Variants in LRRC4C observed in about 807,000 individuals in gnomAD.
LRRC4C encodes the protein leucine-rich repeat-containing protein 4C.
In LRRC4C, 5 loss-of-function variants were observed where a neutral mutation model predicts 33.6. The observed-to-expected ratio is 0.15, with a 90% CI of 0.08 to 0.31. The LOEUF (loss-of-function observed/expected upper bound fraction) is 0.31. Among genes scored for constraint, LRRC4C ranks in the 10% least tolerant of loss-of-function variants. LRRC4C has a pLI of 1.00. For synonymous variants in LRRC4C, 329 were observed against 302.0 expected (o/e 1.09, Z -0.93); for missense variants, 560 against 796.7 (o/e 0.70, Z 3.58).
At chr11:40,309,563 T>C (rs1356853171) in intron 4 of LRRC4C, among the ~76,000 whole-genome samples, 1 of 150,692 alleles carries the variant, frequency 6.6e-6, no homozygotes. Flanking sequence ...TGGAGTGCAA[T>C]TGCACAATCT....
chr11:40,894,899 T>G (rs1955871010), intron 2 of LRRC4C, among the ~76,000 whole-genome samples: 1 of 152,150 alleles, frequency 6.6e-6, no homozygotes, highest in Non-Finnish European at 1.5e-5. Flanking sequence ...TATAGTTATT[T>G]ATTTTCTTAT....
At chr11:40,317,637 C>G (rs1324615228) in intron 4 of LRRC4C, among the ~76,000 whole-genome samples, 1 of 152,074 alleles carries the variant, frequency 6.6e-6, no homozygotes, top group Non-Finnish European at 1.5e-5. Context: ...GTCTCTTGGT[C>G]CATCCTACAT....
chr11:41,294,838 T>C (rs1218792861), intron 1 of LRRC4C, among the ~76,000 whole-genome samples: 3 of 152,160 alleles, frequency 2.0e-5, no homozygotes, highest in African/African-American at 7.2e-5. Context: ...AGTTAAAATG[T>C]TTTTAATCAT....
intron 3 of LRRC4C, among the ~76,000 whole-genome samples, chr11:40,623,376 T>C (rs1006145313): frequency 6.6e-6 from 1 of 152,082 alleles, no homozygotes. Flanking sequence ...TTCTAAAGAT[T>C]GTCTTGATGC....
intron 3 of LRRC4C, among the ~76,000 whole-genome samples, chr11:40,337,757 T>A (rs1167641569): frequency 6.6e-6 from 1 of 152,132 alleles, no homozygotes; most frequent in Non-Finnish European, 1.5e-5. Context: ...GGGTTTGTCG[T>A]ACAGATTATT....
intron 5 of LRRC4C, among the ~76,000 whole-genome samples, chr11:40,216,828 G>A (rs1590735040): frequency 2.0e-5 from 3 of 152,250 alleles, no homozygotes; most frequent in Admixed American, 2.0e-4. Flanking sequence ...TTCTTTAGCG[G>A]GTTGGGGAAT....
chr11:40,237,952 T>C (rs1334396849), intron 5 of LRRC4C, among the ~76,000 whole-genome samples: 1 of 152,120 alleles, frequency 6.6e-6, no homozygotes, highest in Admixed American at 6.6e-5. Context: ...TTACAAAAAA[T>C]TCAGAGTCAC....
chr11:40,293,713 G>A (rs568657886), intron 4 of LRRC4C: 3 of 152,328 alleles, frequency 2.0e-5, no homozygotes, highest in African/African-American at 7.2e-5. Context: ...TGCAACTGCA[G>A]CTTTGATCTC....
intron 1 of LRRC4C, among the ~76,000 whole-genome samples, chr11:41,346,678 G>C (rs1951813834): frequency 1.3e-5 from 2 of 152,112 alleles, no homozygotes; most frequent in African/African-American, 2.4e-5. Context: ...TCCCCTATTA[G>C]AATTTCACAA....
At chr11:41,303,227 G>A (rs986148644) in intron 1 of LRRC4C, among the ~76,000 whole-genome samples, 1 of 149,844 alleles carries the variant, frequency 6.7e-6, no homozygotes, top group African/African-American at 2.5e-5. Context: ...TCTACCGAAT[G>A]CCTGCGATTG....
chr11:41,142,177 T>C (rs1167748090), intron 1 of LRRC4C, among the ~76,000 whole-genome samples: 1 of 152,120 alleles, frequency 6.6e-6, no homozygotes, highest in Non-Finnish European at 1.5e-5. Context: ...AGTTAATTAA[T>C]AGGTTTTCAG....
intron 2 of LRRC4C, among the ~76,000 whole-genome samples, chr11:40,651,757 A>G (rs1192937300): frequency 6.6e-6 from 1 of 152,072 alleles, no homozygotes; most frequent in Admixed American, 6.5e-5. Context: ...TCTGTAGGCA[A>G]TTTTTTTCTG....
chr11:40,649,656 A>G (rs1021529594), intron 2 of LRRC4C, among the ~76,000 whole-genome samples: 1 of 152,212 alleles, frequency 6.6e-6, no homozygotes, highest in African/African-American at 2.4e-5. Flanking sequence ...TAAAGTAAAG[A>G]CAGGCATAAA....
intron 2 of LRRC4C, among the ~76,000 whole-genome samples, chr11:40,912,999 A>C (rs187950292): frequency 3.5e-4 from 54 of 152,346 alleles, no homozygotes; most frequent in Non-Finnish European, 5.4e-4. Flanking sequence ...AGAGCTAACT[A>C]TCCTAAATAT....
chr11:40,676,079 G>T (rs929138688), intron 2 of LRRC4C, among the ~76,000 whole-genome samples: 1 of 152,066 alleles, frequency 6.6e-6, no homozygotes, highest in Non-Finnish European at 1.5e-5. Context: ...GTTTTCTAAA[G>T]AACAACATAT....
At chr11:40,547,280 C>A (rs555203184) in intron 3 of LRRC4C, among the ~76,000 whole-genome samples, 1 of 152,058 alleles carries the variant, frequency 6.6e-6, no homozygotes, top group African/African-American at 2.4e-5. Flanking sequence ...AATTCCAAAA[C>A]TTTTTTTTCA....
chr11:40,529,996 AAC>A (rs1464961046), intron 3 of LRRC4C, among the ~76,000 whole-genome samples: 2 of 152,110 alleles, frequency 1.3e-5, no homozygotes, highest in African/African-American at 4.8e-5. Context: ...CATTAATCAA[AAC>A]ACAGTGCAAC....
chr11:41,443,208 C>T (rs1345284930), intron 1 of LRRC4C, among the ~76,000 whole-genome samples: 6 of 149,076 alleles, frequency 4.0e-5, no homozygotes, highest in African/African-American at 7.4e-5. Flanking sequence ...AACAAATTAG[C>T]GGAAGGAAAC....
intron 1 of LRRC4C, among the ~76,000 whole-genome samples, chr11:41,248,911 C>G (rs1393239499): frequency 6.6e-6 from 1 of 152,108 alleles, no homozygotes; most frequent in Non-Finnish European, 1.5e-5. Flanking sequence ...TTAGTCTTTA[C>G]TCTTCTTTCT....
Sources: gnomAD v4.1 joint callset for allele counts (sites outside exome capture counted in the v4.1 genomes callset) on GRCh38, gnomAD v4.1.1 for gene constraint, MANE v1.5 for transcripts, NCBI Gene and HGNC (gene_info 2026-07-23, HGNC 2026-07-21) for gene names.